The following PDLIM5 variants were observed in gnomAD, a reference collection of about 807,000 sequenced individuals.
The protein encoded by PDLIM5 is PDZ and LIM domain protein 5.
PDLIM5 carries 34 observed loss-of-function variants against 64.2 expected under a neutral mutation model. The ratio of observed to expected loss-of-function variants is 0.53; its 90% CI spans 0.40 to 0.71. The LOEUF is 0.71. PDLIM5 is among the 30% of genes least tolerant of loss of function. The probability of loss-of-function intolerance (pLI) is 0.00; values close to 1 mark genes in which losing one functional copy is unlikely to be tolerated. For synonymous variants in PDLIM5, 253 were observed against 269.1 expected (o/e 0.94, Z 0.59); for missense variants, 683 against 733.6 (o/e 0.93, Z 0.80).
chr4:94,467,019 G>T (rs1724424837), intron 2 of PDLIM5, among the ~76,000 whole-genome samples: 1 of 152,118 alleles, frequency 6.6e-6, no homozygotes, highest in East Asian at 1.9e-4. Context: ...GTCTTTTAAG[G>T]CCATGGCCAG....
chr4:94,478,437 C>T (rs1396612904), intron 2 of PDLIM5, among the ~76,000 whole-genome samples: 1 of 151,862 alleles, frequency 6.6e-6, no homozygotes, highest in Non-Finnish European at 1.5e-5. Flanking sequence ...TTGGCACATC[C>T]AATCCCCGCG....
At chr4:94,573,700 GAATA>G (rs1247485912) in intron 4 of PDLIM5, 7 of 319,882 alleles carry the variant, frequency 2.2e-5, no homozygotes, top group Non-Finnish European at 3.5e-5. Context: ...TTTCTAAAGA[GAATA>G]AATAAGTGGT....
chr4:94,454,324 A>C (rs960630272), intron 1 of PDLIM5, among the ~76,000 whole-genome samples: 9 of 149,994 alleles, frequency 6.0e-5, no homozygotes, highest in Non-Finnish European at 1.0e-4. Flanking sequence ...GGAAACTCGA[A>C]GTTTTTTTTT....
intron 5 of PDLIM5, chr4:94,577,402 C>T (rs759080588): frequency 1.5e-5 from 7 of 456,260 alleles, no homozygotes; most frequent in South Asian, 1.1e-4. Flanking sequence ...AGCAGGAGCT[C>T]TAGAAGAACA....
intron 2 of PDLIM5, among the ~76,000 whole-genome samples, chr4:94,518,347 A>C (rs1270595592): frequency 1.3e-5 from 2 of 152,206 alleles, no homozygotes; most frequent in Admixed American, 6.5e-5. Flanking sequence ...CCTAAATAAC[A>C]TACTTGTTTG....
intron 1 of PDLIM5, among the ~76,000 whole-genome samples, chr4:94,454,179 AT>A (rs1173783392): frequency 6.6e-6 from 1 of 151,946 alleles, no homozygotes; most frequent in Non-Finnish European, 1.5e-5. Context: ...CCAAGGAAGT[AT>A]GTTTTTAATA....
chr4:94,660,386 T>A (rs541330722), intron 11 of PDLIM5, among the ~76,000 whole-genome samples: 1 of 152,274 alleles, frequency 6.6e-6, no homozygotes, highest in South Asian at 2.1e-4. Flanking sequence ...CTGCGGCGAT[T>A]CCTCTATATT....
At chr4:94,586,892 T>C (rs1736253233) in intron 7 of PDLIM5, 2 of 1,139,718 alleles carry the variant, frequency 1.8e-6, no homozygotes, top group Non-Finnish European at 2.4e-6. Context: ...ATAAGGCATG[T>C]TTTCTGCATG....
intron 9 of PDLIM5, among the ~76,000 whole-genome samples, chr4:94,645,347 C>T (rs1341760388): frequency 1.3e-5 from 2 of 152,146 alleles, no homozygotes; most frequent in Non-Finnish European, 2.9e-5. Context: ...CATATTTTTG[C>T]AGTTGTGAAT....
At chr4:94,612,273 T>G (rs560040017) in intron 7 of PDLIM5, among the ~76,000 whole-genome samples, 1 of 152,102 alleles carries the variant, frequency 6.6e-6, no homozygotes, top group Non-Finnish European at 1.5e-5. Flanking sequence ...TATTTACCTA[T>G]TATTCTGGGT....
At chr4:94,652,901 CT>C (rs1372700962) in intron 9 of PDLIM5, among the ~76,000 whole-genome samples, 1 of 152,122 alleles carries the variant, frequency 6.6e-6, no homozygotes, top group African/African-American at 2.4e-5. Flanking sequence ...AGCCTTTCTC[CT>C]TTTGTGACTC....
At chr4:94,653,676 T>G (rs1383800722) in intron 9 of PDLIM5, among the ~76,000 whole-genome samples, 1 of 152,158 alleles carries the variant, frequency 6.6e-6, no homozygotes, top group Non-Finnish European at 1.5e-5. Flanking sequence ...GATGAATAAG[T>G]TCTAGAGATC....
At chr4:94,552,913 T>G (rs886268507) in intron 3 of PDLIM5, among the ~76,000 whole-genome samples, 1 of 152,094 alleles carries the variant, frequency 6.6e-6, no homozygotes, top group Non-Finnish European at 1.5e-5. Context: ...AAGGTGACTT[T>G]GGTAGTCTAG....
intron 8 of PDLIM5, among the ~76,000 whole-genome samples, chr4:94,618,931 C>T (rs998654921): frequency 1.3e-5 from 2 of 152,218 alleles, no homozygotes; most frequent in African/African-American, 2.4e-5. Flanking sequence ...GCCTTCATCT[C>T]TTCTCACTCT....
At chr4:94,526,131 G>A (rs567718391) in intron 3 of PDLIM5, among the ~76,000 whole-genome samples, 4 of 152,264 alleles carry the variant, frequency 2.6e-5, no homozygotes, top group African/African-American at 9.6e-5. Flanking sequence ...CATGGGTTGC[G>A]TACAATTTCT....
chr4:94,586,270 T>C (rs1736187367), intron 6 of PDLIM5, 138 bp from the exon 7 acceptor site: 3 of 581,404 alleles, frequency 5.2e-6, no homozygotes, highest in Non-Finnish European at 9.3e-6. Flanking sequence ...TTATGGCCAA[T>C]AACAGGCTAC....
intron 2 of PDLIM5, among the ~76,000 whole-genome samples, chr4:94,502,067 C>T (rs2110084292): frequency 6.6e-6 from 1 of 152,094 alleles, no homozygotes; most frequent in Admixed American, 6.5e-5. Context: ...CTCCCCTTTT[C>T]CCTTATTCCT....
chr4:94,471,090 C>T (rs751371518), intron 2 of PDLIM5, among the ~76,000 whole-genome samples: 28 of 152,116 alleles, frequency 1.8e-4, no homozygotes, highest in Non-Finnish European at 3.4e-4. Flanking sequence ...CATTCAGTTA[C>T]CTCCCACCAG....
chr4:94,560,491 T>C (rs185356862), intron 3 of PDLIM5, among the ~76,000 whole-genome samples: 125 of 152,312 alleles, frequency 8.2e-4, no homozygotes, highest in African/African-American at 2.9e-3. Context: ...CAAAACAATA[T>C]TAGGTTTAGT....
Sources: gnomAD v4.1 joint callset for allele counts (sites outside exome capture counted in the v4.1 genomes callset) on GRCh38, gnomAD v4.1.1 for gene constraint, MANE v1.5 for transcripts, NCBI Gene and HGNC (gene_info 2026-07-23, HGNC 2026-07-21) for gene names.